ARHGAP15: variants seen among roughly 807,000 people sequenced by gnomAD.
The protein encoded by ARHGAP15 is rho GTPase-activating protein 15.
ARHGAP15 carries 51 observed loss-of-function variants against 63.7 expected under a neutral mutation model. The observed-to-expected ratio is 0.80, with a 90% CI of 0.64 to 1.01. The LOEUF (loss-of-function observed/expected upper bound fraction) is 1.01, where lower values mean the gene tolerates loss of function less well. Among genes scored for constraint, ARHGAP15 ranks in the 50% least tolerant of loss-of-function variants. The pLI, the probability that ARHGAP15 is intolerant of heterozygous loss-of-function variation, is 0.00. For missense variants in ARHGAP15, 560 were observed against 564.6 expected (o/e 0.99, Z 0.08); for synonymous variants, 191 against 193.8 (o/e 0.99, Z 0.12).
At chr2:143,615,656 A>G (rs1178053170) in intron 11 of ARHGAP15, among the ~76,000 whole-genome samples, 3 of 152,168 alleles carry the variant, frequency 2.0e-5, no homozygotes, top group Non-Finnish European at 4.4e-5. Context: ...GATATCATTA[A>G]GAGATAGGTT....
chr2:143,360,979 G>A (rs992285809), intron 6 of ARHGAP15, among the ~76,000 whole-genome samples: 8 of 152,072 alleles, frequency 5.3e-5, no homozygotes, highest in Non-Finnish European at 1.2e-4. Flanking sequence ...ATGTCTCTAT[G>A]TAGATCTCTG....
chr2:143,725,942 T>C (rs1476063647), intron 13 of ARHGAP15, among the ~76,000 whole-genome samples: 1 of 152,250 alleles, frequency 6.6e-6, no homozygotes, highest in Non-Finnish European at 1.5e-5. Context: ...GCTATATGGC[T>C]TGTAAAAGTT....
intron 11 of ARHGAP15, among the ~76,000 whole-genome samples, 186 bp from the exon 12 acceptor site, chr2:143,623,947 A>T (rs893240156): frequency 6.6e-6 from 1 of 152,204 alleles, no homozygotes; most frequent in Non-Finnish European, 1.5e-5. Flanking sequence ...TACAGATGGT[A>T]TTCCATTGAA....
At chr2:143,721,774 C>G (rs1002797547) in intron 13 of ARHGAP15, among the ~76,000 whole-genome samples, 5 of 151,998 alleles carry the variant, frequency 3.3e-5, no homozygotes, top group Non-Finnish European at 4.4e-5. Context: ...GCAAGCTCCG[C>G]CTCCCGGGTT....
At chr2:143,359,301 G>T (rs1040774010) in intron 6 of ARHGAP15, among the ~76,000 whole-genome samples, 9 of 152,020 alleles carry the variant, frequency 5.9e-5, no homozygotes, top group African/African-American at 2.2e-4. Flanking sequence ...ACTCCATCTT[G>T]CAACATCTAC....
intron 1 of ARHGAP15, among the ~76,000 whole-genome samples, chr2:143,140,871 T>C (rs1689332427): frequency 6.6e-6 from 1 of 152,136 alleles, no homozygotes; most frequent in South Asian, 2.1e-4. Context: ...CAACCAGCTA[T>C]GGTGCTGTCC....
intron 8 of ARHGAP15, among the ~76,000 whole-genome samples, chr2:143,446,347 A>C (rs1690137420): frequency 6.6e-6 from 1 of 151,902 alleles, no homozygotes; most frequent in Non-Finnish European, 1.5e-5. Flanking sequence ...TGTTTACTAT[A>C]AATCTACCAA....
chr2:143,351,817 C>T (rs914119096), intron 6 of ARHGAP15, among the ~76,000 whole-genome samples: 3 of 151,994 alleles, frequency 2.0e-5, no homozygotes, highest in Admixed American at 1.3e-4. Context: ...TGTGATATGG[C>T]ATGGAATTAG....
intron 5 of ARHGAP15, among the ~76,000 whole-genome samples, chr2:143,229,393 T>C (rs1314477051): frequency 6.6e-6 from 1 of 152,188 alleles, no homozygotes; most frequent in Non-Finnish European, 1.5e-5. Flanking sequence ...ATTTGTAGGG[T>C]TTCTTCCTTG....
At chr2:143,595,323 T>C (rs554248501) in intron 11 of ARHGAP15, among the ~76,000 whole-genome samples, 2 of 152,212 alleles carry the variant, frequency 1.3e-5, no homozygotes, top group Admixed American at 1.3e-4. Flanking sequence ...TTCCTAGAGC[T>C]GATAATGTCA....
chr2:143,659,277 G>A (rs1681618293), intron 12 of ARHGAP15, among the ~76,000 whole-genome samples: 1 of 152,126 alleles, frequency 6.6e-6, no homozygotes. Context: ...TCTATTTGGT[G>A]GGGATCTAAT....
intron 13 of ARHGAP15, among the ~76,000 whole-genome samples, chr2:143,765,510 C>A (rs1686918779): frequency 6.6e-6 from 1 of 152,112 alleles, no homozygotes; most frequent in South Asian, 2.1e-4. Context: ...GCCAACAGTG[C>A]TCACAGGTAC....
chr2:143,129,560 C>T (rs1424207772), intron 1 of ARHGAP15, 94 bp downstream of exon 1: 1 of 152,166 alleles, frequency 6.6e-6, no homozygotes, highest in East Asian at 1.9e-4. Flanking sequence ...AACATTTCTA[C>T]AAAATATGAC....
chr2:143,481,450 C>G (rs975106969), intron 8 of ARHGAP15, among the ~76,000 whole-genome samples: 10 of 151,982 alleles, frequency 6.6e-5, no homozygotes, highest in Admixed American at 3.9e-4. Context: ...ATGGGAATAC[C>G]GCGAGAACAG....
At chr2:143,319,691 C>T (rs373808509) in intron 6 of ARHGAP15, among the ~76,000 whole-genome samples, 4 of 152,202 alleles carry the variant, frequency 2.6e-5, no homozygotes, top group African/African-American at 9.6e-5. Context: ...CATCTCTTTG[C>T]CCATTTTGTC....
intron 6 of ARHGAP15, among the ~76,000 whole-genome samples, chr2:143,319,687 T>TTTGCCCATTTTGTCTG (rs1285545704): frequency 6.6e-6 from 1 of 152,250 alleles, no homozygotes; most frequent in African/African-American, 2.4e-5. Context: ...TTTTCATCTC[T>TTTGCCCATTTTGTCTG]TTGCCCATTT....
chr2:143,619,653 A>G (rs180695059), intron 11 of ARHGAP15, among the ~76,000 whole-genome samples: 7 of 152,154 alleles, frequency 4.6e-5, no homozygotes, highest in East Asian at 1.9e-4. Flanking sequence ...GTAATCCCCA[A>G]TGTTGGGGGA....
intron 13 of ARHGAP15, chr2:143,766,950 C>A (rs958117376): frequency 6.6e-6 from 1 of 152,352 alleles, no homozygotes; most frequent in East Asian, 1.9e-4. Context: ...AAAGTCCAAC[C>A]ACCTCAACAA....
chr2:143,636,843 A>T (rs1364980930), intron 12 of ARHGAP15, among the ~76,000 whole-genome samples: 3 of 152,068 alleles, frequency 2.0e-5, no homozygotes, highest in African/African-American at 7.2e-5. Flanking sequence ...AATACCAGAG[A>T]GTGTGTGGCT....
Sources: allele counts gnomAD v4.1 joint callset (sites outside exome capture counted in the v4.1 genomes callset), GRCh38; gene constraint gnomAD v4.1.1; transcripts MANE v1.5; gene names NCBI Gene and HGNC (gene_info 2026-07-23, HGNC 2026-07-21).